The following MEIOB variants were observed in gnomAD, a reference collection of about 807,000 sequenced individuals.
MEIOB encodes the protein meiosis specific with OB-fold.
A neutral mutation model predicts 53.1 loss-of-function variants in MEIOB; 50 were observed. That is an observed-to-expected ratio of 0.94 (90% CI 0.75 to 1.19). The LOEUF (loss-of-function observed/expected upper bound fraction) is 1.19, where lower values mean the gene tolerates loss of function less well. Ranked by LOEUF, MEIOB falls within the 50% of genes most tolerant of loss-of-function variation. The probability of loss-of-function intolerance (pLI) is 0.00; values close to 1 mark genes in which losing one functional copy is unlikely to be tolerated. For missense variants in MEIOB, 551 were observed against 550.8 expected (o/e 1.00, Z 0.00); for synonymous variants, 192 against 182.5 (o/e 1.05, Z -0.42).
Position 1,839,255 on chromosome 16 carries a change from C to A in MEIOB, c.1218G>T (p.Thr406=). ...GSVAEETLGC[T]VHEFLAMTDE... is the part of the protein sequence containing the mutation. ...ACATTTCTTCCTTTTTGCTATTTAC[C>A]GTGCAGCCCAAAGTCTCCTCAGCAA... The change falls in exon 12 of 14, where the codon ACG becomes ACT. Residue 406 remains threonine (T), a splice_region_variant and synonymous_variant. Transcript: ENST00000325962. 6.3e-7 allele frequency: 1 copy of A among 1,578,890 alleles called. No homozygotes were observed.
intron 1 of MEIOB, among the ~76,000 whole-genome samples, chr16:1,869,823 G>A (rs1252033025): frequency 2.0e-5 from 3 of 151,194 alleles, no homozygotes; most frequent in African/African-American, 4.9e-5. Context: ...AAAAATCTAC[G>A]TAAACACCTC....
intron 9 of MEIOB, among the ~76,000 whole-genome samples, chr16:1,848,546 T>C: frequency 7.0e-6 from 1 of 143,710 alleles, no homozygotes; most frequent in African/African-American, 2.6e-5. Context: ...TTTTTTTCCT[T>C]TTTTTTTTTT....
rs569519447 is a variant in MEIOB, at chr16:1,842,499, T to C, written c.881-526A>G. 2.7e-5 allele frequency among the ~76,000 whole-genome samples: 4 copies of C among 149,970 alleles called. No homozygotes were observed. In the East Asian group the frequency reaches 5.9e-4, roughly 22 times the overall value. On this transcript the variant is annotated intron_variant, in intron 10 of 13. Transcript: ENST00000325962. The stretch of plus-strand genomic sequence containing the variant: ...TTAGCCAGGCATGGTGGTGCATGCC[T>C]GTAATCCCAGCTACTCAGGAGGCTA...
At chr16:1,868,042 C>A in intron 2 of MEIOB, 65 bp downstream of exon 2, 1 of 844,716 alleles carries the variant, frequency 1.2e-6, no homozygotes, top group South Asian at 1.7e-5. Flanking sequence ...GAATCAATAA[C>A]ATTGATGTAA....
At position 1,861,989 on chromosome 16, in the gene MEIOB, G is replaced by A; in HGVS notation, c.255C>T (p.Asp85=). The A allele has an allele frequency of 6.5e-7, 1 of 1,549,180 alleles. No individual in the cohort carries two copies. Among genetic ancestry groups the A allele is most frequent in the Non-Finnish European group, 8.7e-7 (1 of 1,146,230 alleles). Residue 85 remains aspartate, a synonymous_variant, in exon 4 of 14, where the codon GAC becomes GAT. Coordinates refer to ENST00000325962, the MANE Select transcript of MEIOB (RefSeq NM_001163560.3). ...KSLSDSFRVG[D]CVIIENPLIQ... ...TAAGAATCAATGCCAACTTACCACA[G>A]TCACCAACCCTAAAGCTGTCAGAAA... is the stretch of plus-strand genomic sequence containing the variant.
At chr16:1,845,577 G>C (rs1899008737) in intron 9 of MEIOB, among the ~76,000 whole-genome samples, 1 of 151,930 alleles carries the variant, frequency 6.6e-6, no homozygotes, top group Non-Finnish European at 1.5e-5. Context: ...ACGAAAAAAT[G>C]ATTCTCTCTA....
rs760267859 is a variant in MEIOB, at chr16:1,865,844, C to G, written c.70-9G>C. 9 of 1,538,582 alleles carry G rather than the reference C, an allele frequency of 5.8e-6. No individual in the cohort carries two copies. The South Asian group carries it at 1.1e-4, about 19-fold the overall frequency. ...ACTATACCGATAACTTTCTGAAAAACAAAAAGGTCACAGAAGACCAATATT... is the reference window on the plus strand; with the variant it reads ...ACTATACCGATAACTTTCTGAAAAAGAAAAAGGTCACAGAAGACCAATATT... On this transcript the variant is annotated splice_polypyrimidine_tract_variant and intron_variant, in intron 2 of 13. Coordinates refer to ENST00000325962, the MANE Select transcript of MEIOB (RefSeq NM_001163560.3).
At chr16:1,844,085 C>T (rs1427387793) in intron 10 of MEIOB, among the ~76,000 whole-genome samples, 1 of 149,538 alleles carries the variant, frequency 6.7e-6, no homozygotes, top group African/African-American at 2.5e-5. Context: ...AACCAAATAA[C>T]TATTTGGGGC....
intron 6 of MEIOB, among the ~76,000 whole-genome samples, chr16:1,857,226 G>A (rs1356803130): frequency 1.3e-5 from 2 of 152,136 alleles, no homozygotes; most frequent in Non-Finnish European, 2.9e-5. Flanking sequence ...GCCCCACGGA[G>A]GGCCATCCTC....
chr16:1,864,254 AGAGT>A (rs555726533), intron 3 of MEIOB, among the ~76,000 whole-genome samples: 143 of 152,324 alleles, frequency 9.4e-4, no homozygotes, highest in African/African-American at 3.2e-3. Flanking sequence ...TAGGATGGCA[AGAGT>A]GAGGAGCTGA....
intron 13 of MEIOB, among the ~76,000 whole-genome samples, chr16:1,836,175 T>C (rs1898740413): frequency 6.6e-6 from 1 of 152,222 alleles, no homozygotes; most frequent in Non-Finnish European, 1.5e-5. Context: ...TATTTTTGTA[T>C]GCATCATGGT....
chr16:1,861,535 CTTTT>C (rs59561016), intron 4 of MEIOB, among the ~76,000 whole-genome samples: 3 of 89,120 alleles, frequency 3.4e-5, no homozygotes, highest in South Asian at 4.3e-4. Context: ...GCATTGCAGT[CTTTT>C]TTTTTTTTTT....
At chr16:1,860,985 G>A (rs1045636938) in intron 4 of MEIOB, among the ~76,000 whole-genome samples, 3 of 151,926 alleles carry the variant, frequency 2.0e-5, no homozygotes, top group Non-Finnish European at 4.4e-5. Flanking sequence ...CCTTTTATGA[G>A]GCTAGGGCTC....
Position 1,872,067 on chromosome 16 carries a change from A to AC in MEIOB, c.-85dup, listed in dbSNP as rs1041967415. On this transcript the variant is annotated 5_prime_UTR_variant, in exon 1 of 14. Transcript: ENST00000325962. ...CGGCCTCGCGGACCTGGCCCGCCCG[A>AC]CCCCCGGGTCGCCCGCGCTTCGCGG... 14 of 149,872 alleles carry AC rather than the reference A, an allele frequency of 9.3e-5. No individual in the cohort carries two copies. Among genetic ancestry groups the AC allele is most frequent in the African/African-American group, 3.4e-4 (14 of 40,694 alleles). 9.3% of individuals were successfully genotyped at this position (149,872 alleles called of 1,614,324 possible). A position where few individuals can be genotyped will look rare whatever the true frequency, so the allele number is the denominator to read the frequency against.
chr16:1,859,985 C>T (rs1899404004), intron 5 of MEIOB, among the ~76,000 whole-genome samples: 1 of 152,200 alleles, frequency 6.6e-6, no homozygotes, highest in Non-Finnish European at 1.5e-5. Flanking sequence ...GCAGGGTTCC[C>T]CTGAGAGCTC....
intron 10 of MEIOB, among the ~76,000 whole-genome samples, chr16:1,843,928 G>C (rs1323401238): frequency 1.3e-5 from 2 of 151,764 alleles, no homozygotes; most frequent in African/African-American, 4.8e-5. Flanking sequence ...CACTTCATTG[G>C]TTTCTTTTCT....
chr16:1,840,311 T>C (rs1337898866), intron 11 of MEIOB: 1 of 152,182 alleles, frequency 6.6e-6, no homozygotes. Context: ...CATCATAAAA[T>C]GTTTTAAAAA....
At position 1,862,032 on chromosome 16, in the gene MEIOB, T is replaced by C; in HGVS notation, c.212A>G (p.Glu71Gly). The change falls in exon 4 of 14, where the codon GAA (glutamate) becomes GGA (glycine). Residue 71 changes from glutamate to glycine, a missense_variant. Coordinates refer to ENST00000325962, the MANE Select transcript of MEIOB (RefSeq NM_001163560.3). ...HFVNAASWGNEDYIKSLSDSF... is the reference protein window; with the variant it reads ...HFVNAASWGNGDYIKSLSDSF... ...GTCAGAAAGAGACTTGATGTAATCTTCATTGCCCCAGGAAGCTGCATTTAC... is the reference window on the plus strand; with the variant it reads ...GTCAGAAAGAGACTTGATGTAATCTCCATTGCCCCAGGAAGCTGCATTTAC... 6.4e-7 allele frequency: 1 copy of C among 1,551,526 alleles called. No homozygotes were observed.
intron 10 of MEIOB, among the ~76,000 whole-genome samples, chr16:1,844,495 G>C (rs1898984744): frequency 6.6e-6 from 1 of 150,974 alleles, no homozygotes; most frequent in African/African-American, 2.4e-5. Flanking sequence ...ACCCAGGCTG[G>C]AGTGTAGCCT....
Sources: gnomAD v4.1 joint callset for allele counts (sites outside exome capture counted in the v4.1 genomes callset) on GRCh38, gnomAD v4.1.1 for gene constraint, MANE v1.5 for transcripts, NCBI Gene and HGNC (gene_info 2026-07-23, HGNC 2026-07-21) for gene names.